The following POMP variants were observed in gnomAD, a reference collection of about 807,000 sequenced individuals.
The protein encoded by POMP is proteasome maturation protein, also known as 2510048O06Rik.
In POMP, 12 loss-of-function variants were observed where a neutral mutation model predicts 20.6. The ratio of observed to expected loss-of-function variants is 0.58; its 90% CI spans 0.37 to 0.94. The LOEUF is 0.94. POMP is among the 40% of genes least tolerant of loss of function. The probability of loss-of-function intolerance (pLI) is 0.01; values close to 1 mark genes in which losing one functional copy is unlikely to be tolerated. For synonymous variants in POMP, 53 were observed against 55.0 expected, an observed-to-expected ratio of 0.96 and a Z score of 0.16; for missense variants, 136 against 161.1, an observed-to-expected ratio of 0.84 and a Z score of 0.84.
intron 2 of POMP, among the ~76,000 whole-genome samples, chr13:28,663,727 A>T (rs187204081): frequency 2.2e-4 from 34 of 152,320 alleles, no homozygotes; most frequent in African/African-American, 7.5e-4. Context: ...TAGCCTGTGA[A>T]ATTGGAGATA....
At chr13:28,664,415 T>C in intron 2 of POMP, 94 bp from the exon 3 acceptor site, 2 of 826,522 alleles carry the variant, frequency 2.4e-6, no homozygotes, top group South Asian at 3.2e-5. Flanking sequence ...CAAAAAACTC[T>C]CTCATGCCAT....
intron 3 of POMP, among the ~76,000 whole-genome samples, chr13:28,665,655 C>A (rs530682035): frequency 6.6e-6 from 1 of 152,226 alleles, no homozygotes; most frequent in African/African-American, 2.4e-5. Context: ...GAAACTGTTT[C>A]TTAAGTGGAC....
rs556069706 is a variant in POMP at position 28,670,097 on chromosome 13, G to T, written c.264+1523G>T. On this transcript the variant is annotated intron_variant, in intron 4 of 5. Transcript: ENST00000380842. Reference sequence around the variant, plus strand: ...TACACTCCAGCCTAGGTGACAGAATGAGACTCCGTCTCAAAAAATAAAATA... The same window carrying T: ...TACACTCCAGCCTAGGTGACAGAATTAGACTCCGTCTCAAAAAATAAAATA... Among the ~76,000 whole-genome samples, 17 of 152,262 alleles carry T rather than the reference G, an allele frequency of 1.1e-4. No individual in the cohort carries two copies. In the South Asian group the frequency reaches 3.5e-3, roughly 32 times the overall value.
chr13:28,665,172 G>T (rs944889962), intron 3 of POMP, among the ~76,000 whole-genome samples: 1 of 152,168 alleles, frequency 6.6e-6, no homozygotes, highest in African/African-American at 2.4e-5. Context: ...TACTCCTAAA[G>T]AGAGGATAGC....
intron 3 of POMP, among the ~76,000 whole-genome samples, chr13:28,666,918 G>A (rs1373188599): frequency 1.3e-5 from 2 of 152,286 alleles, no homozygotes; most frequent in South Asian, 2.1e-4. Flanking sequence ...ATGGGGGGAT[G>A]TAATATTGGC....
At chr13:28,663,799 T>C (rs963191670) in intron 2 of POMP, among the ~76,000 whole-genome samples, 6 of 151,472 alleles carry the variant, frequency 4.0e-5, no homozygotes, top group Non-Finnish European at 5.9e-5. Flanking sequence ...AAGATTTTTT[T>C]CCCCCCACAT....
intron 5 of POMP, among the ~76,000 whole-genome samples, chr13:28,675,921 A>G (rs1884620178): frequency 6.6e-6 from 1 of 152,116 alleles, no homozygotes; most frequent in African/African-American, 2.4e-5. Context: ...ACAAGAACTC[A>G]CTTATCCGGG....
Position 28,668,591 on chromosome 13 carries a change from C to T in POMP, c.264+17C>T, listed in dbSNP as rs767413246. On this transcript the variant is annotated intron_variant, in intron 4 of 5. Transcript: ENST00000380842. ...GTGCAGCAGGTGAGTTGATGGATCT[C>T]TGTTGCATATGTGTCGATATCATTC... 6.5e-7 allele frequency: 1 copy of T among 1,531,872 alleles called. No individual in the cohort carries two copies. The highest frequency in any genetic ancestry group is 1.1e-5 in the South Asian group (1 of 89,288). The allele number at this position is 1,531,872 out of a possible 1,614,324, so 94.9% of individuals were successfully genotyped here.
chr13:28,668,037 A>G (rs1754949), intron 3 of POMP, among the ~76,000 whole-genome samples: 6,764 of 152,288 alleles, frequency 0.044, 505 homozygotes, highest in African/African-American at 0.15. Flanking sequence ...TTTAGTGGTC[A>G]GATTATTTCT....
intron 4 of POMP, among the ~76,000 whole-genome samples, chr13:28,671,849 G>A (rs1344141790): frequency 6.6e-6 from 1 of 152,044 alleles, no homozygotes; most frequent in African/African-American, 2.4e-5. Context: ...ACCTATTTTG[G>A]TAGTCTGTGG....
At chr13:28,662,356 G>C in intron 1 of POMP, 54 bp from the exon 2 acceptor site, 1 of 1,330,752 alleles carries the variant, frequency 7.5e-7, no homozygotes, top group Non-Finnish European at 1.1e-6. Flanking sequence ...CAGCTGCCTG[G>C]GTGTGTGTTT....
At chr13:28,675,261 C>T (rs571369043) in intron 5 of POMP, among the ~76,000 whole-genome samples, 3 of 152,138 alleles carry the variant, frequency 2.0e-5, no homozygotes, top group South Asian at 4.1e-4. Flanking sequence ...CTGCCTCAGC[C>T]TCCCAGGTAG....
At chr13:28,666,240 A>G (rs1884443036) in intron 3 of POMP, among the ~76,000 whole-genome samples, 1 of 152,194 alleles carries the variant, frequency 6.6e-6, no homozygotes, top group Non-Finnish European at 1.5e-5. Flanking sequence ...AAACTTGACT[A>G]TTTTAATTGA....
At chr13:28,665,031 G>A in intron 3 of POMP, among the ~76,000 whole-genome samples, 1 of 152,140 alleles carries the variant, frequency 6.6e-6, no homozygotes, top group East Asian at 1.9e-4. Context: ...AGGAAGACAA[G>A]CAGTGGGTAG....
intron 3 of POMP, among the ~76,000 whole-genome samples, chr13:28,668,234 T>C (rs1212389368): frequency 6.6e-6 from 1 of 152,214 alleles, no homozygotes; most frequent in African/African-American, 2.4e-5. Flanking sequence ...TTTACTTTTA[T>C]AAATTTGGAA....
chr13:28,677,690 G>GA (rs201536723), intron 5 of POMP, among the ~76,000 whole-genome samples: 38 of 150,752 alleles, frequency 2.5e-4, no homozygotes, highest in Admixed American at 1.7e-3. Context: ...TAAGAACTTT[G>GA]AAAAAAAAAC....
Position 28,675,434 on chromosome 13 carries a change from C to T in POMP, c.359-2601C>T, listed in dbSNP as rs185830035. On this transcript the variant is annotated intron_variant, in intron 5 of 5. Coordinates refer to ENST00000380842, the MANE Select transcript of POMP (RefSeq NM_015932.6). ...GATTACAGGCGTGAGCCATCACGCCCGGCCAGGTAGATGATTTTTATCCAC... is the reference window on the plus strand; with the variant it reads ...GATTACAGGCGTGAGCCATCACGCCTGGCCAGGTAGATGATTTTTATCCAC... 1.1e-3 allele frequency among the ~76,000 whole-genome samples: 171 copies of T among 152,280 alleles called. 1 individual carries two copies. In the East Asian group the frequency reaches 0.028, roughly 25 times the overall value.
chr13:28,668,360 G>A, intron 3 of POMP, 113 bp from the exon 4 acceptor site: 1 of 753,634 alleles, frequency 1.3e-6, no homozygotes, highest in South Asian at 1.5e-5. Context: ...TTTTATTACA[G>A]GTATGGATAT....
chr13:28,676,491 T>A (rs1337565682), intron 5 of POMP, among the ~76,000 whole-genome samples: 2 of 152,230 alleles, frequency 1.3e-5, no homozygotes, highest in Non-Finnish European at 2.9e-5. Context: ...CTGGAGATTT[T>A]TTTCTTGTTA....
Sources: allele counts gnomAD v4.1 joint callset (sites outside exome capture counted in the v4.1 genomes callset), GRCh38; gene constraint gnomAD v4.1.1; transcripts MANE v1.5; gene names NCBI Gene and HGNC (gene_info 2026-07-23, HGNC 2026-07-21).